NELL1: variants seen among roughly 807,000 people sequenced by gnomAD.
The protein encoded by NELL1 is protein kinase C-binding protein NELL1.
NELL1 carries 76 observed loss-of-function variants against 107.4 expected under a neutral mutation model. The observed-to-expected ratio is 0.71, with a 90% CI of 0.59 to 0.86. The LOEUF is 0.86. NELL1 is among the 40% of genes least tolerant of loss of function. The pLI, the probability that NELL1 is intolerant of heterozygous loss-of-function variation, is 0.00. For synonymous variants in NELL1, 353 were observed against 341.2 expected, an observed-to-expected ratio of 1.03 and a Z score of -0.38; for missense variants, 1,024 against 1,005.5, an observed-to-expected ratio of 1.02 and a Z score of -0.25.
intron 12 of NELL1, among the ~76,000 whole-genome samples, chr11:20,992,687 T>A (rs796285194): frequency 2.6e-4 from 40 of 151,262 alleles, no homozygotes; most frequent in African/African-American, 9.2e-4. Context: ...GAATGACTGC[T>A]ACTTCCCTAG....
At chr11:21,206,349 CATTGGA>C (rs1469324425) in intron 13 of NELL1, among the ~76,000 whole-genome samples, 1 of 152,082 alleles carries the variant, frequency 6.6e-6, no homozygotes, top group African/African-American at 2.4e-5. Flanking sequence ...AGACACCAGT[CATTGGA>C]TTTAGGGCCC....
chr11:21,045,507 A>T (rs1853333454), intron 12 of NELL1, among the ~76,000 whole-genome samples: 1 of 152,250 alleles, frequency 6.6e-6, no homozygotes, highest in African/African-American at 2.4e-5. Context: ...ACTGCATACT[A>T]TTCTATCACC....
chr11:21,562,202 G>T (rs1468639582), intron 17 of NELL1, among the ~76,000 whole-genome samples: 3 of 151,940 alleles, frequency 2.0e-5, no homozygotes, highest in African/African-American at 7.2e-5. Flanking sequence ...ATTTCCCAGA[G>T]CTTCTTTAAT....
intron 9 of NELL1, among the ~76,000 whole-genome samples, chr11:20,937,398 G>A (rs1256267418): frequency 6.6e-6 from 1 of 152,230 alleles, no homozygotes; most frequent in Non-Finnish European, 1.5e-5. Flanking sequence ...TGGAATATAT[G>A]TGAGTCCCCT....
At chr11:20,917,842 C>T (rs1850290120) in intron 5 of NELL1, among the ~76,000 whole-genome samples, 1 of 151,900 alleles carries the variant, frequency 6.6e-6, no homozygotes, top group South Asian at 2.1e-4. Flanking sequence ...TTAAAAAAAT[C>T]CTGTAAATCA....
chr11:20,893,855 TAAAAAAA>T (rs10658756), intron 5 of NELL1, among the ~76,000 whole-genome samples: 1 of 127,190 alleles, frequency 7.9e-6, no homozygotes, highest in Non-Finnish European at 1.6e-5. Context: ...GTGAGGTAGT[TAAAAAAA>T]AAAAAAAAAG....
At chr11:21,341,276 G>C (rs1206473417) in intron 14 of NELL1, among the ~76,000 whole-genome samples, 3 of 152,200 alleles carry the variant, frequency 2.0e-5, no homozygotes, top group Non-Finnish European at 4.4e-5. Context: ...AGGAAAGGGA[G>C]AGTTACACCA....
At chr11:21,224,798 T>A (rs1857850964) in intron 13 of NELL1, among the ~76,000 whole-genome samples, 1 of 152,360 alleles carries the variant, frequency 6.6e-6, no homozygotes, top group East Asian at 1.9e-4. Flanking sequence ...AGATTTCTTT[T>A]GAAGCAAGGT....
intron 15 of NELL1, among the ~76,000 whole-genome samples, chr11:21,497,847 G>C (rs1420428638): frequency 6.6e-6 from 1 of 151,910 alleles, no homozygotes; most frequent in Non-Finnish European, 1.5e-5. Context: ...GCTGTATATT[G>C]TATACAAGTT....
Position 21,375,370 on chromosome 11 carries a change from C to A in NELL1, c.1645+4422C>A, listed in dbSNP as rs148646834. On this transcript the variant is annotated intron_variant, in intron 15 of 19. Coordinates refer to ENST00000357134, the MANE Select transcript of NELL1 (RefSeq NM_006157.5). ...GCTTCCAATTTCATCCATGTGTCTG[C>A]AAAGGACATGATTTCATTCTTTTAT... Among the ~76,000 whole-genome samples, 849 of 152,192 alleles carry A rather than the reference C, an allele frequency of 5.6e-3. 5 individuals carry two copies. The highest frequency in any genetic ancestry group is 0.019 in the African/African-American group (793 of 41,536).
chr11:21,052,716 G>T (rs1377974345), intron 12 of NELL1, among the ~76,000 whole-genome samples: 1 of 152,114 alleles, frequency 6.6e-6, no homozygotes, highest in African/African-American at 2.4e-5. Flanking sequence ...TGAGGTCTGA[G>T]TGAGGAGAAG....
intron 15 of NELL1, among the ~76,000 whole-genome samples, chr11:21,431,011 T>C (rs1852951242): frequency 2.0e-5 from 3 of 152,100 alleles, no homozygotes; most frequent in Admixed American, 2.0e-4. Context: ...AGAAAAAAAA[T>C]CTTTGGGTGA....
chr11:20,852,431 A>G (rs1848810992), intron 4 of NELL1, among the ~76,000 whole-genome samples: 1 of 152,196 alleles, frequency 6.6e-6, no homozygotes, highest in African/African-American at 2.4e-5. Context: ...TTTCAGAGTA[A>G]TTTCAGGATG....
At chr11:21,193,261 C>A (rs1857084012) in intron 13 of NELL1, among the ~76,000 whole-genome samples, 1 of 151,686 alleles carries the variant, frequency 6.6e-6, no homozygotes, top group Non-Finnish European at 1.5e-5. Context: ...TGGAATAGGA[C>A]AGAAAACTTT....
At chr11:21,345,967 A>G (rs1850674965) in intron 14 of NELL1, among the ~76,000 whole-genome samples, 1 of 152,170 alleles carries the variant, frequency 6.6e-6, no homozygotes, top group Non-Finnish European at 1.5e-5. Context: ...CACCAATACT[A>G]TTAGTTGAAG....
intron 4 of NELL1, among the ~76,000 whole-genome samples, chr11:20,850,160 C>T (rs879731352): frequency 6.6e-6 from 1 of 152,184 alleles, no homozygotes; most frequent in African/African-American, 2.4e-5. Context: ...TTACCTTCTT[C>T]ACAAGTTTCT....
At chr11:21,071,398 C>A (rs1423647623) in intron 12 of NELL1, among the ~76,000 whole-genome samples, 1 of 151,972 alleles carries the variant, frequency 6.6e-6, no homozygotes, top group Non-Finnish European at 1.5e-5. Context: ...ATTGGCCTCT[C>A]AATAAATAGT....
intron 15 of NELL1, among the ~76,000 whole-genome samples, chr11:21,470,081 T>C (rs1189792692): frequency 6.6e-6 from 1 of 152,084 alleles, no homozygotes; most frequent in Non-Finnish European, 1.5e-5. Context: ...CTTATATATG[T>C]AGTTTTCTTT....
intron 12 of NELL1, among the ~76,000 whole-genome samples, chr11:21,072,913 T>A (rs1167560207): frequency 1.3e-5 from 2 of 152,052 alleles, no homozygotes; most frequent in Non-Finnish European, 2.9e-5. Flanking sequence ...TTCATTAACA[T>A]GTGTTCTGCT....
Sources: gnomAD v4.1 joint callset for allele counts (sites outside exome capture counted in the v4.1 genomes callset) on GRCh38, gnomAD v4.1.1 for gene constraint, MANE v1.5 for transcripts, NCBI Gene and HGNC (gene_info 2026-07-23, HGNC 2026-07-21) for gene names.